SEMA5A: variants seen among roughly 807,000 people sequenced by gnomAD.
SEMA5A encodes the protein semaphorin-5A.
In SEMA5A, 55 loss-of-function variants were observed where a neutral mutation model predicts 135.5. The ratio of observed to expected loss-of-function variants is 0.41; its 90% CI spans 0.33 to 0.51. The LOEUF is 0.51. Ranked by LOEUF, SEMA5A falls within the 20% of genes least tolerant of loss-of-function variation. The pLI, the probability that SEMA5A is intolerant of heterozygous loss-of-function variation, is 0.37. For missense variants in SEMA5A, 1,290 were observed against 1,419.9 expected (o/e 0.91, Z 1.47); for synonymous variants, 580 against 546.5 (o/e 1.06, Z -0.85).
chr5:9,190,862 C>T (rs1420187525), intron 10 of SEMA5A, among the ~76,000 whole-genome samples: 1 of 152,130 alleles, frequency 6.6e-6, no homozygotes, highest in African/African-American at 2.4e-5. Flanking sequence ...ATTGAAAATG[C>T]AACAATCAAG....
At chr5:9,290,899 T>C (rs1751044616) in intron 5 of SEMA5A, among the ~76,000 whole-genome samples, 1 of 152,216 alleles carries the variant, frequency 6.6e-6, no homozygotes, top group South Asian at 2.1e-4. Context: ...TGCACTTTAC[T>C]GGAACTTGTA....
At chr5:9,324,634 G>T (rs1044894563) in intron 4 of SEMA5A, among the ~76,000 whole-genome samples, 5 of 152,110 alleles carry the variant, frequency 3.3e-5, no homozygotes, top group African/African-American at 7.2e-5. Flanking sequence ...AAAGTTAAAG[G>T]TTACAAAAAG....
chr5:9,108,412 T>C (rs553750647), intron 15 of SEMA5A, 125 bp from the exon 16 acceptor site: 10 of 1,118,360 alleles, frequency 8.9e-6, no homozygotes, highest in African/African-American at 1.6e-5. Flanking sequence ...AGGAGCTTTT[T>C]GTATTTTGAG....
Position 9,350,589 on chromosome 5 carries a change from C to T in SEMA5A, c.125-12777G>A, listed in dbSNP as rs116813951. 6.3e-3 allele frequency among the ~76,000 whole-genome samples: 960 copies of T among 152,338 alleles called. 9 individuals carry two copies. Among genetic ancestry groups the T allele is most frequent in the African/African-American group, 0.022 (917 of 41,580 alleles). On this transcript the variant is annotated intron_variant, in intron 3 of 22. Coordinates refer to ENST00000382496, the MANE Select transcript of SEMA5A (RefSeq NM_003966.3). ...TCAGGAAGGGCTGGAGTCTGAGTAA[C>T]TAAGGTCAGCCATGCAAGCATTCCA...
At chr5:9,085,828 G>A (rs1050913024) in intron 16 of SEMA5A, among the ~76,000 whole-genome samples, 15 of 152,274 alleles carry the variant, frequency 9.9e-5, no homozygotes, top group East Asian at 1.9e-4. Flanking sequence ...CGGAAAAGCC[G>A]CAGACACTCA....
chr5:9,392,779 C>A (rs780196813), intron 2 of SEMA5A, among the ~76,000 whole-genome samples: 12 of 152,118 alleles, frequency 7.9e-5, no homozygotes, highest in Non-Finnish European at 1.8e-4. Context: ...AGTGGAAAGG[C>A]CAGAAACCAA....
In SEMA5A at chr5:9,243,344, CAAATG is replaced by C. The variant is rs1445938463; in HGVS notation, c.271-5459_271-5455del. 2.0e-5 allele frequency among the ~76,000 whole-genome samples: 3 copies of C among 152,216 alleles called. No homozygotes were observed. The East Asian group carries it at 5.8e-4, about 29-fold the overall frequency. ...TGTTCTCCTTGTGTTTTTCTTTGTC[CAAATG>C]TTCCTCTTCTTATAAGGACACCGGC... On this transcript the variant is annotated intron_variant, in intron 5 of 22. Transcript: ENST00000382496.
intron 1 of SEMA5A, among the ~76,000 whole-genome samples, chr5:9,496,179 G>A (rs1186548074): frequency 6.6e-6 from 1 of 152,118 alleles, no homozygotes; most frequent in Non-Finnish European, 1.5e-5. Context: ...CAAGTGTCTG[G>A]AATTACAAGC....
chr5:9,496,200 G>A (rs1286182873), intron 1 of SEMA5A, among the ~76,000 whole-genome samples: 12 of 152,066 alleles, frequency 7.9e-5, no homozygotes, highest in Admixed American at 3.3e-4. Context: ...GTGTGCCACC[G>A]CACCCGGCTA....
At chr5:9,248,300 C>T (rs907702377) in intron 5 of SEMA5A, among the ~76,000 whole-genome samples, 2 of 152,114 alleles carry the variant, frequency 1.3e-5, no homozygotes, top group Admixed American at 6.6e-5. Context: ...GGCACTCCTT[C>T]CCTTCCATCT....
At chr5:9,269,664 A>G (rs2150535234) in intron 5 of SEMA5A, among the ~76,000 whole-genome samples, 1 of 152,314 alleles carries the variant, frequency 6.6e-6, no homozygotes. Flanking sequence ...AGCAAAAGAG[A>G]CATAAAATAT....
chr5:9,237,465 C>A (rs917905077), intron 6 of SEMA5A, among the ~76,000 whole-genome samples: 1 of 152,108 alleles, frequency 6.6e-6, no homozygotes, highest in African/African-American at 2.4e-5. Flanking sequence ...TTTGTCATAT[C>A]ATTACTTTCT....
rs558512175 is a variant in SEMA5A at position 9,178,493 on chromosome 5, G to A, written c.1273+11774C>T. On this transcript the variant is annotated intron_variant, in intron 11 of 22. Coordinates refer to ENST00000382496, the MANE Select transcript of SEMA5A (RefSeq NM_003966.3). ...ATCACAGGCACATGCCCCCACACCCGGCTACTTTTTTTTATTTTTAGTAGA... is the reference window on the plus strand; with the variant it reads ...ATCACAGGCACATGCCCCCACACCCAGCTACTTTTTTTTATTTTTAGTAGA... 1.8e-4 allele frequency among the ~76,000 whole-genome samples: 27 copies of A among 151,582 alleles called. 1 individual carries two copies. Among genetic ancestry groups the A allele is most frequent in the African/African-American group, 4.9e-4 (20 of 41,236 alleles).
intron 11 of SEMA5A, among the ~76,000 whole-genome samples, chr5:9,172,253 C>T (rs1305143694): frequency 6.6e-6 from 1 of 152,148 alleles, no homozygotes; most frequent in Non-Finnish European, 1.5e-5. Flanking sequence ...AATGCCAACA[C>T]CGTGTAATCA....
At chr5:9,328,825 A>C (rs1344612365) in intron 4 of SEMA5A, among the ~76,000 whole-genome samples, 1 of 149,808 alleles carries the variant, frequency 6.7e-6, no homozygotes, top group East Asian at 2.0e-4. Context: ...AGTGGAATTC[A>C]GAGGACTTGA....
At chr5:9,106,535 T>C (rs976943656) in intron 16 of SEMA5A, among the ~76,000 whole-genome samples, 4 of 152,146 alleles carry the variant, frequency 2.6e-5, no homozygotes, top group Non-Finnish European at 5.9e-5. Flanking sequence ...GAAACTAGGG[T>C]GTGAGATCAA....
At chr5:9,415,001 GT>G (rs1027314320) in intron 2 of SEMA5A, among the ~76,000 whole-genome samples, 6 of 152,114 alleles carry the variant, frequency 3.9e-5, no homozygotes, top group African/African-American at 1.4e-4. Context: ...TCATAGATGG[GT>G]CTCAATTATT....
intron 14 of SEMA5A, 28 bp from the exon 15 acceptor site, chr5:9,119,169 T>A: frequency 6.2e-7 from 1 of 1,608,452 alleles, no homozygotes; most frequent in Non-Finnish European, 8.5e-7. Flanking sequence ...ATGCAATCAT[T>A]AGGTCCCGCA....
chr5:9,511,756 TA>T lies in SEMA5A; in HGVS notation c.-175+33827del, dbSNP rs541769067. Reference sequence around the variant, plus strand: ...AATACATATGTTAATTAGCTGGATTTAATCATTCCACAAGATGTACATGTAT... The same window carrying T: ...AATACATATGTTAATTAGCTGGATTTATCATTCCACAAGATGTACATGTAT... On this transcript the variant is annotated intron_variant, in intron 1 of 22. Coordinates refer to ENST00000382496, the MANE Select transcript of SEMA5A (RefSeq NM_003966.3). Among the ~76,000 whole-genome samples the T allele has an allele frequency of 1.3e-3, 197 of 152,310 alleles. 1 individual carries two copies. The highest frequency in any genetic ancestry group is 2.0e-3 in the Non-Finnish European group (136 of 68,032).
Sources: gnomAD v4.1 joint callset for allele counts (sites outside exome capture counted in the v4.1 genomes callset) on GRCh38, gnomAD v4.1.1 for gene constraint, MANE v1.5 for transcripts, NCBI Gene and HGNC (gene_info 2026-07-23, HGNC 2026-07-21) for gene names.